CPQ: variants seen among roughly 807,000 people sequenced by gnomAD.
CPQ encodes the protein Ser-Met dipeptidase.
A neutral mutation model predicts 45.7 loss-of-function variants in CPQ; 37 were observed. That is an observed-to-expected ratio of 0.81 (90% CI 0.62 to 1.07). CPQ has a LOEUF of 1.07. Among genes scored for constraint, CPQ ranks in the 50% least tolerant of loss-of-function variants. The pLI, the probability that CPQ is intolerant of heterozygous loss-of-function variation, is 0.00. For missense variants in CPQ, 537 were observed against 572.9 expected (o/e 0.94, Z 0.64); for synonymous variants, 186 against 205.8 (o/e 0.90, Z 0.82).
At chr8:97,048,769 A>G (rs912294909) in intron 6 of CPQ, among the ~76,000 whole-genome samples, 3 of 152,218 alleles carry the variant, frequency 2.0e-5, no homozygotes, top group Non-Finnish European at 2.9e-5. Context: ...ACATATTCAA[A>G]AATTTAACAA....
intron 4 of CPQ, among the ~76,000 whole-genome samples, chr8:96,943,755 G>C (rs1041271435): frequency 1.3e-5 from 2 of 152,132 alleles, no homozygotes; most frequent in East Asian, 3.9e-4. Flanking sequence ...CTTTTTGTAT[G>C]TTTGTGAAAT....
At chr8:96,839,490 C>T (rs1811577218) in intron 3 of CPQ, among the ~76,000 whole-genome samples, 1 of 151,958 alleles carries the variant, frequency 6.6e-6, no homozygotes, top group African/African-American at 2.4e-5. Flanking sequence ...TGCTTTTGTC[C>T]TGGGAAATAT....
At chr8:96,774,799 G>C (rs1810586395) in intron 1 of CPQ, among the ~76,000 whole-genome samples, 1 of 152,168 alleles carries the variant, frequency 6.6e-6, no homozygotes. Flanking sequence ...ACACAGCATA[G>C]TCATAGGTCT....
intron 5 of CPQ, among the ~76,000 whole-genome samples, chr8:96,993,372 G>A (rs1053964102): frequency 2.0e-5 from 3 of 152,110 alleles, no homozygotes; most frequent in African/African-American, 7.2e-5. Context: ...ACAAGCTTAT[G>A]CATCATCAGG....
chr8:97,131,479 T>C (rs1260730572), intron 7 of CPQ, among the ~76,000 whole-genome samples: 2 of 152,198 alleles, frequency 1.3e-5, no homozygotes, highest in Non-Finnish European at 2.9e-5. Context: ...GTAGTAAGAC[T>C]TTTTTATATG....
At chr8:96,762,836 TA>T (rs747184828) in intron 1 of CPQ, among the ~76,000 whole-genome samples, 17 of 152,220 alleles carry the variant, frequency 1.1e-4, no homozygotes, top group Non-Finnish European at 2.2e-4. Flanking sequence ...TTTAGAGTTT[TA>T]AATTTAGGCG....
At chr8:97,052,689 A>G (rs934174590) in intron 6 of CPQ, among the ~76,000 whole-genome samples, 1 of 152,304 alleles carries the variant, frequency 6.6e-6, no homozygotes, top group Middle Eastern at 3.4e-3. Context: ...CTGAGAATAT[A>G]TTCAGCCCTG....
chr8:96,984,763 G>A (rs1813978969), intron 5 of CPQ, among the ~76,000 whole-genome samples: 1 of 152,144 alleles, frequency 6.6e-6, no homozygotes, highest in Non-Finnish European at 1.5e-5. Context: ...TGGATATACT[G>A]GGGATCATAA....
intron 1 of CPQ, among the ~76,000 whole-genome samples, chr8:96,746,805 A>G (rs886729724): frequency 2.0e-5 from 3 of 152,226 alleles, no homozygotes; most frequent in East Asian, 1.9e-4. Flanking sequence ...GAAAGACCTC[A>G]TTATAGCCTT....
At chr8:96,829,971 G>A (rs1476012325) in intron 2 of CPQ, among the ~76,000 whole-genome samples, 1 of 152,114 alleles carries the variant, frequency 6.6e-6, no homozygotes, top group Admixed American at 6.6e-5. Context: ...TCCACGAAAA[G>A]GACATTGCAC....
At chr8:96,881,027 T>C (rs2130882203) in intron 4 of CPQ, among the ~76,000 whole-genome samples, 1 of 152,206 alleles carries the variant, frequency 6.6e-6, no homozygotes, top group South Asian at 2.1e-4. Context: ...TTGAGAGTGG[T>C]ATTTGTCCAC....
At chr8:97,083,313 T>C (rs1810986296) in intron 7 of CPQ, among the ~76,000 whole-genome samples, 1 of 152,154 alleles carries the variant, frequency 6.6e-6, no homozygotes, top group Non-Finnish European at 1.5e-5. Flanking sequence ...GTAGAGAGGA[T>C]GACTGGGCAT....
At position 96,815,577 on chromosome 8, in the gene CPQ, C is replaced by A. The variant is rs539645126; in HGVS notation, c.434-19396C>A. 2.6e-5 allele frequency among the ~76,000 whole-genome samples: 4 copies of A among 152,200 alleles called. No individual in the cohort carries two copies. The East Asian group carries it at 7.7e-4, about 29-fold the overall frequency. On this transcript the variant is annotated intron_variant, in intron 2 of 7. Transcript: ENST00000220763. ...ATACAGGGATTTTGAATTCTCTGAT[C>A]CCAGAAGCTCTCATTGGCTAAATCA... is the stretch of plus-strand genomic sequence containing the variant.
chr8:96,879,703 T>A, intron 3 of CPQ, 95 bp from the exon 4 acceptor site: 1 of 804,700 alleles, frequency 1.2e-6, no homozygotes, highest in Non-Finnish European at 2.1e-6. Context: ...CAAACAAAGA[T>A]AAGTGGAAGT....
chr8:96,942,626 C>T (rs949361919), intron 4 of CPQ, among the ~76,000 whole-genome samples: 10 of 152,106 alleles, frequency 6.6e-5, no homozygotes, highest in East Asian at 3.9e-4. Context: ...GTGGAATATC[C>T]GGAGCAGTTC....
At chr8:96,744,163 G>A (rs985578878) in intron 1 of CPQ, among the ~76,000 whole-genome samples, 1 of 152,266 alleles carries the variant, frequency 6.6e-6, no homozygotes, top group Non-Finnish European at 1.5e-5. Flanking sequence ...GCCAGGTGCG[G>A]GATATAATCT....
intron 4 of CPQ, among the ~76,000 whole-genome samples, chr8:96,880,576 T>TATAC (rs1359946797): frequency 1.2e-4 from 10 of 83,192 alleles, no homozygotes; most frequent in South Asian, 1.1e-3. Context: ...TATATATATA[T>TATAC]ACCATGGAAT....
chr8:96,960,056 A>G (rs562579954), intron 4 of CPQ, among the ~76,000 whole-genome samples: 13 of 152,278 alleles, frequency 8.5e-5, no homozygotes, highest in East Asian at 5.8e-4. Flanking sequence ...TATCTATACA[A>G]CTCACATAAT....
chr8:96,725,975 A>G (rs1809833134), intron 1 of CPQ, among the ~76,000 whole-genome samples: 1 of 152,204 alleles, frequency 6.6e-6, no homozygotes, highest in African/African-American at 2.4e-5. Context: ...ATCCTAAGTG[A>G]ATTGACACAG....
Sources: allele counts gnomAD v4.1 joint callset (sites outside exome capture counted in the v4.1 genomes callset), GRCh38; gene constraint gnomAD v4.1.1; transcripts MANE v1.5; gene names NCBI Gene and HGNC (gene_info 2026-07-23, HGNC 2026-07-21).